UNC5C: variants seen among roughly 807,000 people sequenced by gnomAD.
UNC5C encodes the protein netrin receptor UNC5C.
UNC5C carries 47 observed loss-of-function variants against 99.8 expected under a neutral mutation model. The observed-to-expected ratio is 0.47, with a 90% CI of 0.37 to 0.60. The LOEUF (loss-of-function observed/expected upper bound fraction) is 0.60, where lower values mean the gene tolerates loss of function less well. Among genes scored for constraint, UNC5C ranks in the 20% least tolerant of loss-of-function variants. The pLI is 0.00. For missense variants in UNC5C, 1,062 were observed against 1,165.9 expected (o/e 0.91, Z 1.30); for synonymous variants, 487 against 452.2 (o/e 1.08, Z -0.98).
intron 1 of UNC5C, among the ~76,000 whole-genome samples, chr4:95,350,349 T>G (rs961048968): frequency 1.3e-5 from 2 of 152,048 alleles, no homozygotes; most frequent in Non-Finnish European, 2.9e-5. Flanking sequence ...TAGCTGGGCA[T>G]GGTGGCACAT....
At chr4:95,542,825 C>G (rs1343880839) in intron 1 of UNC5C, among the ~76,000 whole-genome samples, 1 of 151,954 alleles carries the variant, frequency 6.6e-6, no homozygotes, top group Admixed American at 6.6e-5. Context: ...AAAAAGTTTT[C>G]TATTTCTGAT....
chr4:95,516,817 T>G (rs977079920), intron 1 of UNC5C, among the ~76,000 whole-genome samples: 34 of 152,112 alleles, frequency 2.2e-4, no homozygotes, highest in African/African-American at 8.2e-4. Context: ...GACCAGGCAT[T>G]TTAAAATCTC....
intron 1 of UNC5C, among the ~76,000 whole-genome samples, chr4:95,474,460 T>G (rs2149475534): frequency 6.6e-6 from 1 of 152,166 alleles, no homozygotes; most frequent in East Asian, 1.9e-4. Context: ...CTGTCTAATT[T>G]TGTATTTTTA....
chr4:95,462,651 TA>T (rs1279279075), intron 1 of UNC5C, among the ~76,000 whole-genome samples: 3 of 152,194 alleles, frequency 2.0e-5, no homozygotes, highest in Non-Finnish European at 4.4e-5. Flanking sequence ...AGACATTTCC[TA>T]AAAATAAAAT....
chr4:95,368,297 G>GAAAAAAAAA (rs71583699), intron 1 of UNC5C, among the ~76,000 whole-genome samples: 1 of 133,786 alleles, frequency 7.5e-6, no homozygotes, highest in Non-Finnish European at 1.6e-5. Flanking sequence ...CATCTTTTTT[G>GAAAAAAAAA]AAAAAAAAAA....
At chr4:95,508,536 A>C (rs545606100) in intron 1 of UNC5C, among the ~76,000 whole-genome samples, 34 of 151,934 alleles carry the variant, frequency 2.2e-4, no homozygotes, top group African/African-American at 8.2e-4. Flanking sequence ...GGCTGAACTA[A>C]AAAAAATGCC....
rs1190382253 is a variant in UNC5C at position 95,202,786 on chromosome 4, G to A, written c.2081C>T (p.Ser694Leu). 39 of 1,614,116 alleles carry A rather than the reference G, an allele frequency of 2.4e-5. No individual in the cohort carries two copies. The highest frequency in any genetic ancestry group is 4.5e-5 in the East Asian group (2 of 44,896). ...GTAGACTCGGATGCTGTACTCCAGC[G>A]AGGAGCAGCACAGGGGCCCAAAGAT... ...LAIFGPLCCS[S>L]LEYSIRVYCL... Residue 694 changes from serine (S) to leucine (L), a missense_variant, in exon 12 of 16, where the codon TCG (serine) becomes TTG (leucine). Coordinates refer to ENST00000453304, the MANE Select transcript of UNC5C (RefSeq NM_003728.4).
intron 1 of UNC5C, among the ~76,000 whole-genome samples, chr4:95,348,315 G>A (rs1258089531): frequency 6.6e-6 from 1 of 151,844 alleles, no homozygotes; most frequent in East Asian, 2.0e-4. Flanking sequence ...CTGTTGGGGG[G>A]AATGTAAATT....
chr4:95,233,754 G>A (rs1738997299), intron 7 of UNC5C, among the ~76,000 whole-genome samples: 1 of 152,144 alleles, frequency 6.6e-6, no homozygotes, highest in Non-Finnish European at 1.5e-5. Context: ...TGGCCAAATG[G>A]TGAAACCCCA....
intron 1 of UNC5C, among the ~76,000 whole-genome samples, chr4:95,512,685 T>A (rs1419367039): frequency 6.6e-6 from 1 of 152,202 alleles, no homozygotes; most frequent in Non-Finnish European, 1.5e-5. Context: ...TTCAAAGATT[T>A]ATTATATGCA....
intron 1 of UNC5C, among the ~76,000 whole-genome samples, chr4:95,523,039 AG>A (rs1722401105): frequency 6.6e-6 from 1 of 152,142 alleles, no homozygotes; most frequent in South Asian, 2.1e-4. Flanking sequence ...AGCTCCACAG[AG>A]GGAGTCTGTG....
intron 1 of UNC5C, among the ~76,000 whole-genome samples, chr4:95,480,482 C>A (rs1721104357): frequency 6.6e-6 from 1 of 151,872 alleles, no homozygotes; most frequent in African/African-American, 2.4e-5. Context: ...GAAGAATTTT[C>A]TCAAAGACCA....
intron 4 of UNC5C, among the ~76,000 whole-genome samples, chr4:95,260,418 A>T (rs745487423): frequency 4.6e-5 from 7 of 152,162 alleles, no homozygotes; most frequent in Non-Finnish European, 1.0e-4. Context: ...TAGGGATGAC[A>T]TTCATTTAGC....
intron 1 of UNC5C, among the ~76,000 whole-genome samples, chr4:95,352,246 A>G (rs1744017822): frequency 6.6e-6 from 1 of 152,142 alleles, no homozygotes; most frequent in Non-Finnish European, 1.5e-5. Flanking sequence ...TTTCAAGGCC[A>G]TGCTCCAGAC....
chr4:95,426,896 G>C (rs1431538897), intron 1 of UNC5C, among the ~76,000 whole-genome samples: 5 of 152,222 alleles, frequency 3.3e-5, no homozygotes, highest in Non-Finnish European at 7.3e-5. Context: ...GAAACAGCAA[G>C]TGCTGATGTA....
rs1744571627 is a variant in UNC5C at position 95,366,380 on chromosome 4, T to G, written c.125-30749A>C. Reference sequence around the variant, plus strand: ...TTACAAATTATATTTCATCCAAGATTTACTGTAAGAGATGAGTCACTGTAT... The same window carrying G: ...TTACAAATTATATTTCATCCAAGATGTACTGTAAGAGATGAGTCACTGTAT... On this transcript the variant is annotated intron_variant, in intron 1 of 15. Transcript: ENST00000453304. Among the ~76,000 whole-genome samples, 4 of 152,212 alleles carry G rather than the reference T, an allele frequency of 2.6e-5. 2 individuals are homozygous for G. In the South Asian group the frequency reaches 8.3e-4, roughly 32 times the overall value.
At chr4:95,546,742 T>G (rs1372806664) in intron 1 of UNC5C, among the ~76,000 whole-genome samples, 2 of 152,188 alleles carry the variant, frequency 1.3e-5, no homozygotes, top group African/African-American at 4.8e-5. Context: ...TTTTAATCTC[T>G]TCTCCCTTCT....
chr4:95,461,882 T>C (rs950964390), intron 1 of UNC5C, among the ~76,000 whole-genome samples: 1 of 152,226 alleles, frequency 6.6e-6, no homozygotes, highest in Admixed American at 6.5e-5. Context: ...CTTTCATATG[T>C]GGAAATTTAC....
chr4:95,382,995 C>A (rs906939822), intron 1 of UNC5C, among the ~76,000 whole-genome samples: 3 of 152,168 alleles, frequency 2.0e-5, no homozygotes, highest in Non-Finnish European at 2.9e-5. Flanking sequence ...AGATACACAG[C>A]AGTTCCTACT....
Sources: gnomAD v4.1 joint callset for allele counts (sites outside exome capture counted in the v4.1 genomes callset) on GRCh38, gnomAD v4.1.1 for gene constraint, MANE v1.5 for transcripts, NCBI Gene and HGNC (gene_info 2026-07-23, HGNC 2026-07-21) for gene names.